The following RNF213 variants were observed in gnomAD, a reference collection of about 807,000 sequenced individuals.
The protein encoded by RNF213 is E3 ubiquitin-protein ligase RNF213.
A neutral mutation model predicts 514.4 loss-of-function variants in RNF213; 341 were observed. The observed-to-expected ratio is 0.66, with a 90% CI of 0.61 to 0.73. The LOEUF is 0.73. Among genes scored for constraint, RNF213 ranks in the 30% least tolerant of loss-of-function variants. RNF213 has a pLI of 0.00. For synonymous variants in RNF213, 2,655 were observed against 2,658.2 expected (o/e 1.00, Z 0.04); for missense variants, 5,767 against 6,615.6 (o/e 0.87, Z 4.45).
At chr17:80,268,310 T>C (rs1024316342) in intron 2 of RNF213, among the ~76,000 whole-genome samples, 5 of 127,396 alleles carry the variant, frequency 3.9e-5, no homozygotes, top group African/African-American at 1.5e-4. Context: ...GCCGTGATCA[T>C]ACCACTGCAC....
intron 3 of RNF213, among the ~76,000 whole-genome samples, chr17:80,274,349 G>T (rs1272033228): frequency 6.6e-6 from 1 of 151,112 alleles, no homozygotes; most frequent in Non-Finnish European, 1.5e-5. Context: ...CTTTCGAGGG[G>T]AGCGTCCTGG....
intron 28 of RNF213, 132 bp from the exon 29 acceptor site, chr17:80,344,546 C>T: frequency 3.0e-6 from 3 of 998,350 alleles, no homozygotes; most frequent in East Asian, 4.8e-5. Flanking sequence ...AAAGACTATA[C>T]AGAAAGCTAC....
In RNF213 at chr17:80,354,048, G is replaced by A. The variant is rs781408390; in HGVS notation, c.10608G>A (p.Leu3536=). 9.9e-6 allele frequency: 16 copies of A among 1,613,860 alleles called. No individual in the cohort carries two copies. The highest frequency in any genetic ancestry group is 3.3e-5 in the Admixed American group (2 of 60,012). The change falls in exon 35 of 68, where the codon CTG becomes CTA. Residue 3536 remains leucine (L), a synonymous_variant. Transcript: ENST00000582970. ...CGATCCTGGACACCACCAGGCTGCT[G>A]AGAAGCTGTGTGCAGAGCGCCGTGG... The part of the protein sequence containing the change: ...DVSILDTTRL[L]RSCVQSAVGM...
Position 80,269,333 on chromosome 17 carries a change from C to A in RNF213, c.98-3908C>A, listed in dbSNP as rs555461798. 2.4e-4 allele frequency among the ~76,000 whole-genome samples: 36 copies of A among 152,294 alleles called. 1 individual carries two copies. The highest frequency in any genetic ancestry group is 8.7e-4 in the African/African-American group (36 of 41,558). The stretch of plus-strand genomic sequence containing the variant: ...TTGACACCTGATATTAACCATCACA[C>A]CGTCTATCCATCCCTCTACCCTATC... On this transcript the variant is annotated intron_variant, in intron 2 of 67. Coordinates refer to ENST00000582970, the MANE Select transcript of RNF213 (RefSeq NM_001256071.3).
intron 67 of RNF213, among the ~76,000 whole-genome samples, chr17:80,392,451 G>A (rs575599513): frequency 6.6e-6 from 1 of 152,196 alleles, no homozygotes; most frequent in African/African-American, 2.4e-5. Context: ...GTCATGTGAA[G>A]GGGCCAGCAC....
chr17:80,298,472 C>T lies in RNF213; in HGVS notation c.2164C>T (p.Leu722=). 1 of 1,614,146 alleles carries T rather than the reference C, an allele frequency of 6.2e-7. No individual in the cohort carries two copies. The highest frequency in any genetic ancestry group is 8.5e-7 in the Non-Finnish European group (1 of 1,180,040). ...ACAGCCTGAGGACACCTGGGCCGCTCTGGAGGGACTCTCCTTCTCACCGTT... is the reference window on the plus strand; with the variant it reads ...ACAGCCTGAGGACACCTGGGCCGCTTTGGAGGGACTCTCCTTCTCACCGTT... ...WRQPEDTWAA[L]EGLSFSPFRE... is the part of the protein sequence containing the mutation. The change falls in exon 11 of 68, where the codon CTG becomes TTG. Residue 722 remains leucine (L), a synonymous_variant. Transcript: ENST00000582970.
At chr17:80,278,678 C>T (rs1027148257) in intron 3 of RNF213, 15 of 1,493,200 alleles carry the variant, frequency 1.0e-5, no homozygotes, top group African/African-American at 1.4e-5. Flanking sequence ...GGAGGTGGCC[C>T]CTGAGGTGGG....
At chr17:80,290,811 TTG>T in intron 7 of RNF213, 83 bp downstream of exon 7, 3 of 1,531,190 alleles carry the variant, frequency 2.0e-6, no homozygotes, top group East Asian at 4.7e-5. Context: ...TAAAAAAATT[TTG>T]TTTTTTTTTT....
intron 35 of RNF213, 69 bp downstream of exon 35, chr17:80,354,235 C>T (rs1383392799): frequency 3.4e-5 from 54 of 1,569,760 alleles, no homozygotes; most frequent in Non-Finnish European, 1.2e-5. Flanking sequence ...GGCATCATTT[C>T]ACTGTGTGTT....
rs141083276 is a variant in RNF213, at chr17:80,346,547, C to G, written c.8212C>G (p.Leu2738Val). The G allele has an allele frequency of 6.5e-5, 105 of 1,613,426 alleles. No individual in the cohort carries two copies. The highest frequency in any genetic ancestry group is 8.5e-5 in the Non-Finnish European group (100 of 1,180,036). The change falls in exon 29 of 68, where the codon CTG becomes GTG. Residue 2738 changes from leucine (L) to valine (V), a missense_variant. Leu to Val is a conservative substitution (Grantham distance 32). This residue lies in a region of RNF213 where 1,377 missense variants were observed against 1,635.2 expected (regional missense o/e 0.84). Coordinates refer to ENST00000582970, the MANE Select transcript of RNF213 (RefSeq NM_001256071.3). The surrounding 1 kb of genome is among the most constrained non-coding windows in gnomAD (Gnocchi z 8.1). Reference sequence around the variant, plus strand: ...GGATCTTTTTCTGGACGGCGTACCTCTGAGGAAAACCATCGCCAAGAACTT... The same window carrying G: ...GGATCTTTTTCTGGACGGCGTACCTGTGAGGAAAACCATCGCCAAGAACTT... Reference protein sequence around the residue: ...AQDLFLDGVPLRKTIAKNLAL... With the variant: ...AQDLFLDGVPVRKTIAKNLAL...
In RNF213 at chr17:80,288,790, C is replaced by T. The variant is rs776955056; in HGVS notation, c.933+35C>T. The T allele has an allele frequency of 3.7e-6, 6 of 1,613,658 alleles. No homozygotes were observed. The highest frequency in any genetic ancestry group is 5.1e-6 in the Non-Finnish European group (6 of 1,179,986). On this transcript the variant is annotated intron_variant, in intron 5 of 67. Coordinates refer to ENST00000582970, the MANE Select transcript of RNF213 (RefSeq NM_001256071.3). This position sits in a 1 kb window ranked among gnomAD's most constrained non-coding sequence, Gnocchi z 4.9. The stretch of plus-strand genomic sequence containing the variant: ...CTTCCTGCCTGCCGGCTCCAGGAGG[C>T]CCTCTCCTGCCCACGGCTGCGCCTC...
Position 80,386,294 on chromosome 17 carries a change from C to T in RNF213, c.14584C>T (p.Leu4862=). The T allele has an allele frequency of 6.2e-7, 1 of 1,613,196 alleles. No homozygotes were observed. The highest frequency in any genetic ancestry group is 1.6e-4 in the Middle Eastern group (1 of 6,062). Reference sequence around the variant, plus strand: ...AGACTACTGCAGCACTGACTTGGATCTGGACACTGAGTTTGAGATCCTCTT... The same window carrying T: ...AGACTACTGCAGCACTGACTTGGATTTGGACACTGAGTTTGAGATCCTCTT... ...PKDYCSTDLD[L]DTEFEILLPR... The change falls in exon 62 of 68, where the codon CTG becomes TTG. Residue 4862 remains leucine (L), a synonymous_variant. Coordinates refer to ENST00000582970, the MANE Select transcript of RNF213 (RefSeq NM_001256071.3).
chr17:80,313,790 GAA>G lies in RNF213; in HGVS notation c.2811+624_2811+625del, dbSNP rs1568051969. 3.0e-3 allele frequency among the ~76,000 whole-genome samples: 429 copies of G among 142,914 alleles called. 1 individual carries two copies. Among genetic ancestry groups the G allele is most frequent in the Non-Finnish European group, 5.4e-3 (345 of 64,068 alleles). 93.8% of individuals were successfully genotyped at this position (142,914 alleles called of 152,430 possible). Reference sequence around the variant, plus strand: ...AGGTACTGGAGGTGATGGTGGTGGTGAAGGTGATGGTGGAGGTAATGGAGGTG... The same window carrying G: ...AGGTACTGGAGGTGATGGTGGTGGTGGGTGATGGTGGAGGTAATGGAGGTG... On this transcript the variant is annotated intron_variant, in intron 15 of 67. Transcript: ENST00000582970.
chr17:80,389,093 G>A, intron 64 of RNF213, 80 bp from the exon 65 acceptor site: 1 of 1,385,728 alleles, frequency 7.2e-7, no homozygotes, highest in Non-Finnish European at 1.0e-6. Context: ...GGGCAGTGAA[G>A]GGGCTCGGCT....
chr17:80,293,066 T>A (rs1383802120), intron 8 of RNF213, among the ~76,000 whole-genome samples: 1 of 151,748 alleles, frequency 6.6e-6, no homozygotes, highest in African/African-American at 2.4e-5. Context: ...TATATATATA[T>A]TTTTTTTCTG....
intron 3 of RNF213, among the ~76,000 whole-genome samples, chr17:80,287,014 A>G (rs2044495513): frequency 6.6e-6 from 1 of 152,182 alleles, no homozygotes; most frequent in Admixed American, 6.5e-5. Context: ...TTTATGTACG[A>G]AATATTTTTA....
chr17:80,354,586 C>T lies in RNF213; in HGVS notation c.10862+10C>T, dbSNP rs745360387. ...AGGCGGGCACATTCAGGTACTGTGACTAAAGGAAGCAAGGAGTGGCTCCAA... is the reference window on the plus strand; with the variant it reads ...AGGCGGGCACATTCAGGTACTGTGATTAAAGGAAGCAAGGAGTGGCTCCAA... On this transcript the variant is annotated intron_variant, in intron 36 of 67. Transcript: ENST00000582970. The T allele has an allele frequency of 1.5e-5, 25 of 1,613,982 alleles. No homozygotes were observed. In the Admixed American group the frequency reaches 3.2e-4, roughly 20 times the overall value.
chr17:80,311,005 G>C (rs991648324), intron 14 of RNF213, among the ~76,000 whole-genome samples: 31 of 152,206 alleles, frequency 2.0e-4, no homozygotes, highest in African/African-American at 7.5e-4. Context: ...AGATGATCAC[G>C]TTCTCTGGAG....
rs1472827142 is a variant in RNF213 at position 80,343,907 on chromosome 17, C to T, written c.6234C>T (p.Tyr2078=). ...TTTTCAAGCTCCTCATTTTACAATA[C>T]TTAATGGATATAAATGGGAAAATGT... ...VFLFKLLILQ[Y]LMDINGKMWL... Residue 2078 remains tyrosine, a synonymous_variant, in exon 28 of 68, where the codon TAC becomes TAT. Transcript: ENST00000582970. This position sits in a 1 kb window ranked among gnomAD's most constrained non-coding sequence, Gnocchi z 4.3. 3 of 1,614,156 alleles carry T rather than the reference C, an allele frequency of 1.9e-6. No individual in the cohort carries two copies. The Admixed American group carries it at 5.0e-5, about 27-fold the overall frequency.
Sources: gnomAD v4.1 joint callset for allele counts (sites outside exome capture counted in the v4.1 genomes callset) on GRCh38, gnomAD v4.1.1 for gene constraint, gnomAD v4.1.1 regional missense constraint, Gnocchi (gnomAD v3.1) non-coding constraint, MANE v1.5 for transcripts, NCBI Gene and HGNC (gene_info 2026-07-23, HGNC 2026-07-21) for gene names.